RECQL: variants seen among roughly 807,000 people sequenced by gnomAD.
RECQL encodes RecQ like helicase.
Under a neutral mutation model 75.8 loss-of-function variants are expected in RECQL, and 73 were observed. The observed-to-expected ratio is 0.96, with a 90% CI of 0.80 to 1.17. RECQL has a LOEUF of 1.17. RECQL is among the 50% of genes most tolerant of loss of function. The probability of loss-of-function intolerance (pLI) is 0.00; values close to 1 mark genes in which losing one functional copy is unlikely to be tolerated. For synonymous variants in RECQL, 248 were observed against 254.4 expected (o/e 0.97, Z 0.24); for missense variants, 699 against 772.1 (o/e 0.91, Z 1.12).
intron 2 of RECQL, among the ~76,000 whole-genome samples, chr12:21,497,708 G>C (rs574296747): frequency 1.3e-5 from 2 of 152,264 alleles, no homozygotes; most frequent in African/African-American, 4.8e-5. Flanking sequence ...AATTAATCAG[G>C]TAGACAAGAT....
At chr12:21,478,113 A>G in intron 6 of RECQL, 144 bp from the exon 7 acceptor site, 1 of 697,288 alleles carries the variant, frequency 1.4e-6, no homozygotes, top group Non-Finnish European at 2.3e-6. Flanking sequence ...GTTCTGTGTT[A>G]GCCTCTTTGA....
Position 21,471,472 on chromosome 12 carries a change from A to T in RECQL, c.1623T>A (p.Asp541Glu). The change falls in exon 13 of 15, where the codon GAT becomes GAA. Residue 541 changes from aspartate (D) to glutamate (E), a missense_variant. Asp to Glu is a conservative substitution (Grantham distance 45). Around this residue, in one of 2 missense-constraint regions of RECQL, gnomAD observed 669 missense variants for 713.5 expected, o/e 0.94. Coordinates refer to ENST00000444129, the MANE Select transcript of RECQL (RefSeq NM_002907.4). ...GAAAGTGTGCAATAATCTTCTCCAG[A>T]TCTTCACGAGGAAGTGTGGGAGCCA... The part of the protein sequence containing the change: ...GVVAPTLPRE[D>E]LEKIIAHFLI... The T allele has an allele frequency of 6.2e-7, 1 of 1,613,186 alleles. No individual in the cohort carries two copies. The highest frequency in any genetic ancestry group is 1.3e-5 in the African/African-American group (1 of 74,986).
chr12:21,471,173 T>TAAAAGAA, intron 13 of RECQL, 75 bp from the exon 14 acceptor site: 3 of 1,368,972 alleles, frequency 2.2e-6, no homozygotes, highest in Non-Finnish European at 3.0e-6. Context: ...AAGAAATAAC[T>TAAAAGAA]ATATGCGCAG....
chr12:21,477,882 G>C lies in RECQL; in HGVS notation c.788C>G (p.Thr263Arg). 1 of 1,613,796 alleles carries C rather than the reference G, an allele frequency of 6.2e-7. No homozygotes were observed. Among genetic ancestry groups the C allele is most frequent in the Non-Finnish European group, 8.5e-7 (1 of 1,179,824 alleles). The change falls in exon 7 of 15, where the codon ACG becomes AGG. Residue 263 changes from threonine to arginine, a missense_variant. Physicochemically the swap from Thr to Arg is moderately conservative, Grantham distance 71. Transcript: ENST00000444129. ...AATGCACAAAATTTTCTGAGCATCC[G>C]TCAAAACGTGATTTGTTGCAGTTGC... The part of the protein sequence containing the change: ...LTATATNHVL[T>R]DAQKILCIEK...
chr12:21,489,248 T>G (rs1943363309), intron 4 of RECQL, among the ~76,000 whole-genome samples: 1 of 152,356 alleles, frequency 6.6e-6, no homozygotes, highest in East Asian at 1.9e-4. Flanking sequence ...CCCATGTGTT[T>G]ACACATTATC....
chr12:21,487,740 T>C (rs1943332546), intron 4 of RECQL, among the ~76,000 whole-genome samples: 1 of 152,192 alleles, frequency 6.6e-6, no homozygotes, highest in African/African-American at 2.4e-5. Flanking sequence ...GATTAAGTAA[T>C]GAGGGCTCTG....
In RECQL at chr12:21,501,526, T is replaced by C. The variant is rs1943618950; in HGVS notation, c.-402A>G. On this transcript the variant is annotated 5_prime_UTR_variant, in exon 1 of 15. Transcript: ENST00000444129. ...GGTGTCCGACTGTCCTGTGTCCGAC[T>C]CTCCGATCTCCGACTCTCGGATCTC... The C allele has an allele frequency of 4.4e-6, 1 of 226,686 alleles. No homozygotes were observed. Among genetic ancestry groups the C allele is most frequent in the Non-Finnish European group, 8.9e-6 (1 of 111,938 alleles). The allele number at this position is 226,686 out of a possible 1,614,324, so 14.0% of individuals were successfully genotyped here. A position where few individuals can be genotyped will look rare whatever the true frequency, so the allele number is the denominator to read the frequency against.
At chr12:21,477,462 T>C (rs1274171133) in intron 7 of RECQL, among the ~76,000 whole-genome samples, 1 of 152,220 alleles carries the variant, frequency 6.6e-6, no homozygotes, top group Non-Finnish European at 1.5e-5. Flanking sequence ...TAGTAATTAA[T>C]TTGAACAGAG....
chr12:21,477,811 A>G lies in RECQL; in HGVS notation c.859T>C (p.Tyr287His), dbSNP rs750290901. 1.1e-5 allele frequency: 18 copies of G among 1,609,144 alleles called. No homozygotes were observed. The highest frequency in any genetic ancestry group is 4.2e-6 in the Non-Finnish European group (5 of 1,177,064). The change falls in exon 7 of 15, where the codon TAT becomes CAT. Residue 287 changes from tyrosine to histidine, a missense_variant. By Grantham distance (83) the Tyr-to-His change is moderately conservative (BLOSUM62 2). This residue lies in a region of RECQL where 669 missense variants were observed against 713.5 expected (regional missense o/e 0.94). Transcript: ENST00000444129. ...ACATAAAAATTACATACCTCATAAT[A>G]TAGATTTGGCCTATTAAAAGAAGCT... ...FTASFNRPNL[Y>H]YEVRQKPSNT...
chr12:21,485,749 A>T (rs1046906140), intron 5 of RECQL, among the ~76,000 whole-genome samples: 4 of 152,088 alleles, frequency 2.6e-5, no homozygotes, highest in Non-Finnish European at 4.4e-5. Flanking sequence ...GGAAAACTGG[A>T]GGTATACAGA....
intron 2 of RECQL, among the ~76,000 whole-genome samples, chr12:21,495,640 G>A (rs771338811): frequency 3.3e-5 from 5 of 152,082 alleles, no homozygotes; most frequent in African/African-American, 4.8e-5. Context: ...GAAACTACTG[G>A]ACATTAGCTC....
intron 5 of RECQL, among the ~76,000 whole-genome samples, chr12:21,486,196 A>G (rs892518375): frequency 1.3e-5 from 2 of 152,192 alleles, no homozygotes; most frequent in African/African-American, 4.8e-5. Flanking sequence ...TGTTTCAATA[A>G]AACTTTATTT....
intron 4 of RECQL, among the ~76,000 whole-genome samples, chr12:21,487,462 T>C (rs1452129890): frequency 2.0e-5 from 3 of 152,232 alleles, no homozygotes; most frequent in Non-Finnish European, 4.4e-5. Context: ...CTGTTTAAAG[T>C]ACAAAAGCTA....
rs777664283 is a variant in RECQL at position 21,476,921 on chromosome 12, T to C, written c.939A>G (p.Lys313=). The change falls in exon 8 of 15, where the codon AAA becomes AAG. Residue 313 remains lysine (K), a synonymous_variant. Coordinates refer to ENST00000444129, the MANE Select transcript of RECQL (RefSeq NM_002907.4). The stretch of plus-strand genomic sequence containing the variant: ...TTGTTTTTACATTACCTGATTGCCC[T>C]TTGTATCTCCCATTAATGAGCTTTA... ...DIVKLINGRY[K]GQSGIIYCFS... 1 of 1,607,094 alleles carries C rather than the reference T, an allele frequency of 6.2e-7. No individual in the cohort carries two copies. Among genetic ancestry groups the C allele is most frequent in the South Asian group, 1.1e-5 (1 of 89,552 alleles).
Position 21,469,440 on chromosome 12 carries a change from A to G in RECQL, c.*754T>C, listed in dbSNP as rs935988768. 3 of 151,526 alleles carry G rather than the reference A, an allele frequency of 2.0e-5. No homozygotes were observed. Among genetic ancestry groups the G allele is most frequent in the African/African-American group, 7.3e-5 (3 of 41,230 alleles). 9.4% of individuals were successfully genotyped at this position (151,526 alleles called of 1,614,324 possible). A position where few individuals can be genotyped will look rare whatever the true frequency, so the allele number is the denominator to read the frequency against. On this transcript the variant is annotated 3_prime_UTR_variant, in exon 15 of 15. Coordinates refer to ENST00000444129, the MANE Select transcript of RECQL (RefSeq NM_002907.4). ...CATATTTTATGTGCGGCCCAAGACAATTCTTCTTCCAATGTGGCTCAGGGA... is the reference window on the plus strand; with the variant it reads ...CATATTTTATGTGCGGCCCAAGACAGTTCTTCTTCCAATGTGGCTCAGGGA...
rs929469507 is a variant in RECQL, at chr12:21,486,476, T to C, written c.501+3A>G. On this transcript the variant is annotated splice_donor_region_variant and intron_variant, in intron 5 of 14. Coordinates refer to ENST00000444129, the MANE Select transcript of RECQL (RefSeq NM_002907.4). The stretch of plus-strand genomic sequence containing the variant: ...TAAAAAAAAAAAAGCCACTGAAACA[T>C]ACCTTAGAACTAGAAGCATTTAACA... The C allele has an allele frequency of 4.5e-6, 7 of 1,559,456 alleles. No individual in the cohort carries two copies. The highest frequency in any genetic ancestry group is 5.2e-6 in the Non-Finnish European group (6 of 1,160,494).
intron 3 of RECQL, among the ~76,000 whole-genome samples, chr12:21,491,168 T>C (rs982809757): frequency 6.6e-6 from 1 of 152,194 alleles, no homozygotes; most frequent in Non-Finnish European, 1.5e-5. Context: ...TCTTGAATCA[T>C]GAAAGGTTTG....
intron 11 of RECQL, 99 bp downstream of exon 11, chr12:21,474,741 TG>T: frequency 8.8e-7 from 1 of 1,140,136 alleles, no homozygotes; most frequent in South Asian, 1.4e-5. Flanking sequence ...ATCTGCACTT[TG>T]GTGTTCCACC....
chr12:21,485,102 AAC>A (rs1943264825), intron 5 of RECQL, among the ~76,000 whole-genome samples: 1 of 151,998 alleles, frequency 6.6e-6, no homozygotes, highest in Non-Finnish European at 1.5e-5. Context: ...AAAAACTGAT[AAC>A]CAGAGATCAG....
Sources: allele counts gnomAD v4.1 joint callset (sites outside exome capture counted in the v4.1 genomes callset), GRCh38; gene constraint gnomAD v4.1.1; regional missense constraint gnomAD v4.1.1; transcripts MANE v1.5; gene names NCBI Gene and HGNC (gene_info 2026-07-23, HGNC 2026-07-21).